APOBEC2: variants seen among roughly 807,000 people sequenced by gnomAD.
APOBEC2 encodes apolipoprotein B mRNA editing enzyme catalytic subunit 2, also known as C->U-editing enzyme APOBEC-2.
In APOBEC2, 14 loss-of-function variants were observed where a neutral mutation model predicts 19.4. The observed-to-expected ratio is 0.72, with a 90% CI of 0.48 to 1.13. The LOEUF is 1.13. Among genes scored for constraint, APOBEC2 ranks in the 50% most tolerant of loss-of-function variants. The probability of loss-of-function intolerance (pLI) is 0.00; values close to 1 mark genes in which losing one functional copy is unlikely to be tolerated. For missense variants in APOBEC2, 304 were observed against 277.0 expected (o/e 1.10, Z -0.69); for synonymous variants, 127 against 112.1 (o/e 1.13, Z -0.84).
chr6:41,064,876 T>C lies in APOBEC2; in HGVS notation c.*797T>C, dbSNP rs933779962. On this transcript the variant is annotated 3_prime_UTR_variant, in exon 3 of 3. Coordinates refer to ENST00000244669, the MANE Select transcript of APOBEC2 (RefSeq NM_006789.4). ...ATTTAAAAGTATTCAATACATGGTG[T>C]TTGATGGTAATGGCAGGATGATGTC... 5.3e-5 allele frequency: 8 copies of C among 152,134 alleles called. No homozygotes were observed. In the East Asian group the frequency reaches 1.5e-3, roughly 29 times the overall value. The allele number at this position is 152,134 out of a possible 1,614,324, so 9.4% of individuals were successfully genotyped here.
At chr6:41,053,724 C>A (rs1437952196) in intron 1 of APOBEC2, among the ~76,000 whole-genome samples, 1 of 152,074 alleles carries the variant, frequency 6.6e-6, no homozygotes, top group Non-Finnish European at 1.5e-5. Flanking sequence ...AGGCAAAAGC[C>A]CAGAGAATAA....
chr6:41,063,670 A>AG (rs913637136), intron 2 of APOBEC2, among the ~76,000 whole-genome samples: 3 of 150,980 alleles, frequency 2.0e-5, no homozygotes, highest in Non-Finnish European at 4.4e-5. Context: ...AGTTAAAAAA[A>AG]AAAAAACTGG....
chr6:41,061,998 G>T (rs1220952646), intron 2 of APOBEC2, 106 bp downstream of exon 2: 1 of 1,090,460 alleles, frequency 9.2e-7, no homozygotes, highest in South Asian at 1.6e-5. Flanking sequence ...CTTTGGAAGG[G>T]TTTCATTTCT....
chr6:41,056,078 G>A (rs892199250), intron 1 of APOBEC2, among the ~76,000 whole-genome samples: 2 of 152,210 alleles, frequency 1.3e-5, no homozygotes, highest in African/African-American at 4.8e-5. Context: ...GATACAATTT[G>A]AGGCCTGGAG....
intron 1 of APOBEC2, among the ~76,000 whole-genome samples, chr6:41,054,086 C>T (rs1211669724): frequency 5.3e-5 from 8 of 152,156 alleles, no homozygotes; most frequent in African/African-American, 1.9e-4. Flanking sequence ...ATAACGCAGC[C>T]CAGGAGCTTA....
chr6:41,056,619 T>G (rs535368666), intron 1 of APOBEC2, among the ~76,000 whole-genome samples: 1 of 152,250 alleles, frequency 6.6e-6, no homozygotes, highest in East Asian at 1.9e-4. Flanking sequence ...TTATATTTAC[T>G]GAATAAGAGT....
At chr6:41,063,651 G>A (rs28469177) in intron 2 of APOBEC2, among the ~76,000 whole-genome samples, 75 of 29,030 alleles carry the variant, frequency 2.6e-3, no homozygotes, top group Non-Finnish European at 1.1e-3. Flanking sequence ...GAAAGGTTAA[G>A]ATATATCAAG....
chr6:41,059,764 C>T (rs954433235), intron 1 of APOBEC2, among the ~76,000 whole-genome samples: 2 of 152,128 alleles, frequency 1.3e-5, no homozygotes, highest in Admixed American at 6.5e-5. Flanking sequence ...TTACTCATAT[C>T]TTTGGCATCT....
chr6:41,058,149 CCCCACACACACACACACACACACACA>C (rs1762819864), intron 1 of APOBEC2, among the ~76,000 whole-genome samples: 1 of 104,234 alleles, frequency 9.6e-6, no homozygotes, highest in Admixed American at 9.7e-5. Context: ...CACCACCCCA[CCCCACACACACACACACACACACACA>C]CACACACACA....
intron 2 of APOBEC2, among the ~76,000 whole-genome samples, chr6:41,063,844 A>C (rs1213060565): frequency 6.7e-6 from 1 of 148,560 alleles, no homozygotes; most frequent in Non-Finnish European, 1.5e-5. Flanking sequence ...TCCTATATTT[A>C]GTCAAAAGAC....
intron 1 of APOBEC2, 28 bp downstream of exon 1, chr6:41,053,506 T>G: frequency 6.2e-7 from 1 of 1,613,902 alleles, no homozygotes; most frequent in Non-Finnish European, 8.5e-7. Context: ...GTCAGGGTTC[T>G]GCTCCCTAGA....
intron 1 of APOBEC2, among the ~76,000 whole-genome samples, chr6:41,059,204 G>T (rs1252195843): frequency 6.6e-6 from 1 of 152,206 alleles, no homozygotes; most frequent in Non-Finnish European, 1.5e-5. Flanking sequence ...AAGGAAAAGA[G>T]GGACCACACA....
chr6:41,055,115 T>C (rs1325123751), intron 1 of APOBEC2, among the ~76,000 whole-genome samples: 2 of 152,194 alleles, frequency 1.3e-5, no homozygotes, highest in African/African-American at 4.8e-5. Context: ...AGGGGGAAAC[T>C]GAGACTCAGA....
chr6:41,056,204 C>T (rs180702009), intron 1 of APOBEC2, among the ~76,000 whole-genome samples: 1 of 152,172 alleles, frequency 6.6e-6, no homozygotes, highest in Non-Finnish European at 1.5e-5. Context: ...TCACTGTCGT[C>T]GCAACCTCCC....
Position 41,058,378 on chromosome 6 carries a change from C to T in APOBEC2, c.132-2950C>T, listed in dbSNP as rs1762827512. Among the ~76,000 whole-genome samples the T allele has an allele frequency of 2.0e-5, 3 of 147,232 alleles. No individual in the cohort carries two copies. In the South Asian group the frequency reaches 6.5e-4, roughly 32 times the overall value. On this transcript the variant is annotated intron_variant, in intron 1 of 2. Coordinates refer to ENST00000244669, the MANE Select transcript of APOBEC2 (RefSeq NM_006789.4). ...ACTACCAGCATCTCTCTACTGACCA[C>T]CACCCACCAACACCACCCCACCACA...
Position 41,060,563 on chromosome 6 carries a change from T to C in APOBEC2, c.132-765T>C, listed in dbSNP as rs564915712. Among the ~76,000 whole-genome samples, 7 of 152,350 alleles carry C rather than the reference T, an allele frequency of 4.6e-5. No individual in the cohort carries two copies. The East Asian group carries it at 9.6e-4, about 21-fold the overall frequency. On this transcript the variant is annotated intron_variant, in intron 1 of 2. Coordinates refer to ENST00000244669, the MANE Select transcript of APOBEC2 (RefSeq NM_006789.4). The stretch of plus-strand genomic sequence containing the variant: ...CATCTGGAGGGCAGAGACCAAGTCC[T>C]TTAAGATTTGGAGGTGACTCAATAC...
chr6:41,060,935 C>G (rs191368239), intron 1 of APOBEC2, among the ~76,000 whole-genome samples: 3 of 152,364 alleles, frequency 2.0e-5, no homozygotes, highest in Non-Finnish European at 4.4e-5. Context: ...TCCACATGTT[C>G]TGATTTAATT....
rs560650222 is a variant in APOBEC2, at chr6:41,061,529, C to T, written c.333C>T (p.Phe111=). Residue 111 remains phenylalanine, a synonymous_variant, in exon 2 of 3, where the codon TTC becomes TTT. Coordinates refer to ENST00000244669, the MANE Select transcript of APOBEC2 (RefSeq NM_006789.4). ...TCTTCAACACCATCCTGCCAGCCTTCGACCCAGCCCTGCGGTACAATGTCA... is the reference window on the plus strand; with the variant it reads ...TCTTCAACACCATCCTGCCAGCCTTTGACCCAGCCCTGCGGTACAATGTCA... ...EAFFNTILPA[F]DPALRYNVTW... The T allele has an allele frequency of 1.7e-5, 28 of 1,614,120 alleles. No homozygotes were observed. The highest frequency in any genetic ancestry group is 2.2e-5 in the Non-Finnish European group (26 of 1,179,964).
At chr6:41,057,854 T>G (rs1462995211) in intron 1 of APOBEC2, among the ~76,000 whole-genome samples, 1 of 152,192 alleles carries the variant, frequency 6.6e-6, no homozygotes, top group African/African-American at 2.4e-5. Flanking sequence ...CTCACATCCC[T>G]TCTCCCTCCA....
Sources: gnomAD v4.1 joint callset for allele counts (sites outside exome capture counted in the v4.1 genomes callset) on GRCh38, gnomAD v4.1.1 for gene constraint, MANE v1.5 for transcripts, NCBI Gene and HGNC (gene_info 2026-07-23, HGNC 2026-07-21) for gene names.